CHD9: variants seen among roughly 807,000 people sequenced by gnomAD.
CHD9 encodes the protein ATP-dependent chromatin remodeler CHD9.
CHD9 carries 77 observed loss-of-function variants against 316.1 expected under a neutral mutation model. The ratio of observed to expected loss-of-function variants is 0.24; its 90% confidence interval spans 0.20 to 0.29. The LOEUF is 0.29. Among genes scored for constraint, CHD9 ranks in the 10% least tolerant of loss-of-function variants. CHD9 has a pLI of 1.00. For missense variants in CHD9, 2,763 were observed against 3,438.1 expected (o/e 0.80, Z 4.91); for synonymous variants, 1,129 against 1,158.3 (o/e 0.97, Z 0.51).
chr16:53,154,349 A>G (rs1262695473), intron 1 of CHD9, among the ~76,000 whole-genome samples: 1 of 152,188 alleles, frequency 6.6e-6, no homozygotes, highest in East Asian at 1.9e-4. Context: ...TTTTGTATGG[A>G]AAACAATTTA....
intron 1 of CHD9, chr16:53,099,148 A>G (rs1056991573): frequency 5.2e-5 from 8 of 152,422 alleles, no homozygotes; most frequent in Non-Finnish European, 1.0e-4. Context: ...GCCAGGAGGA[A>G]CCTGCAGCTG....
At chr16:53,209,933 C>A in intron 3 of CHD9, 120 bp downstream of exon 3, 1 of 694,982 alleles carries the variant, frequency 1.4e-6, no homozygotes, top group Non-Finnish European at 2.4e-6. Context: ...AAATTGTTGG[C>A]TACTATGTGT....
At chr16:53,173,550 A>T (rs920608426) in intron 2 of CHD9, among the ~76,000 whole-genome samples, 5 of 146,912 alleles carry the variant, frequency 3.4e-5, no homozygotes, top group African/African-American at 1.0e-4. Flanking sequence ...ACCTAATTTT[A>T]TTTTTTTTTT....
chr16:53,153,253 G>A (rs1020551936), intron 1 of CHD9, among the ~76,000 whole-genome samples: 1 of 152,140 alleles, frequency 6.6e-6, no homozygotes, highest in Non-Finnish European at 1.5e-5. Flanking sequence ...AGAAGGGGGA[G>A]GAAATTGAAA....
rs139268076 is a variant in CHD9, at chr16:53,290,206, G to A, written c.5248-1519G>A. Among the ~76,000 whole-genome samples the A allele has an allele frequency of 1.7e-3, 256 of 152,234 alleles. 3 individuals are homozygous for A. The highest frequency in any genetic ancestry group is 5.8e-3 in the African/African-American group (239 of 41,536). On this transcript the variant is annotated intron_variant, in intron 27 of 38. Transcript: ENST00000447540. ...GGAGAATCACTTGAAGCCAGGAGGC[G>A]GAGGTTGCAGTGAGCTGAGATTGTG...
At chr16:53,255,811 A>G (rs766690944) in intron 19 of CHD9, 32 bp downstream of exon 19, 16 of 1,584,374 alleles carry the variant, frequency 1.0e-5, no homozygotes, top group Non-Finnish European at 1.4e-5. Flanking sequence ...TTAACATAGC[A>G]GTGATGTTCA....
At position 53,255,753 on chromosome 16, in the gene CHD9, G is replaced by C; in HGVS notation, c.4183G>C (p.Glu1395Gln). Reference protein sequence around the residue: ...RRTKTITIESEGRGSTFAKAS... With the variant: ...RRTKTITIESQGRGSTFAKAS... Reference sequence around the variant, plus strand: ...TACAAAAACTATTACAATTGAATCAGAAGGACGTGGGTCAACATTTGCCAA... The same window carrying C: ...TACAAAAACTATTACAATTGAATCACAAGGACGTGGGTCAACATTTGCCAA... The change falls in exon 19 of 39, where the codon GAA becomes CAA. Residue 1395 changes from glutamate to glutamine, a missense_variant. By Grantham distance (29) the Glu-to-Gln change is conservative. Around this residue, in one of 15 missense-constraint regions of CHD9, gnomAD observed 199 missense variants for 251.7 expected, o/e 0.79. Coordinates refer to ENST00000447540, the MANE Select transcript of CHD9 (RefSeq NM_001308319.2). The C allele has an allele frequency of 6.2e-7, 1 of 1,613,834 alleles. No homozygotes were observed. Among genetic ancestry groups the C allele is most frequent in the Non-Finnish European group, 8.5e-7 (1 of 1,179,800 alleles).
intron 1 of CHD9, among the ~76,000 whole-genome samples, chr16:53,146,961 A>G (rs2040682106): frequency 6.6e-6 from 1 of 152,118 alleles, no homozygotes; most frequent in African/African-American, 2.4e-5. Context: ...TGCCTTATGT[A>G]GCATTCCCTC....
At chr16:53,248,701 G>A (rs2049883382) in intron 16 of CHD9, among the ~76,000 whole-genome samples, 1 of 150,554 alleles carries the variant, frequency 6.6e-6, no homozygotes, top group Non-Finnish European at 1.5e-5. Context: ...AATTTATTTT[G>A]GGTAGAGACA....
intron 3 of CHD9, among the ~76,000 whole-genome samples, chr16:53,210,303 A>G (rs1361366085): frequency 6.6e-6 from 1 of 151,912 alleles, no homozygotes; most frequent in Non-Finnish European, 1.5e-5. Context: ...AAAAAAAAAA[A>G]AAACACTAAT....
chr16:53,226,724 A>G (rs1322275557), intron 5 of CHD9, among the ~76,000 whole-genome samples: 5 of 152,028 alleles, frequency 3.3e-5, no homozygotes, highest in East Asian at 1.9e-4. Flanking sequence ...TACACTTTCT[A>G]CCTCCTAAAT....
At chr16:53,093,248 G>A (rs2036102229) in intron 1 of CHD9, among the ~76,000 whole-genome samples, 1 of 152,202 alleles carries the variant, frequency 6.6e-6, no homozygotes, top group Non-Finnish European at 1.5e-5. Flanking sequence ...TATTCAGCTA[G>A]CTATGTGGCC....
At chr16:53,128,229 A>T (rs1211767821) in intron 1 of CHD9, among the ~76,000 whole-genome samples, 1 of 151,624 alleles carries the variant, frequency 6.6e-6, no homozygotes, top group Non-Finnish European at 1.5e-5. Context: ...GTCATCCAGG[A>T]TGGAGTGCAA....
intron 30 of CHD9, 88 bp downstream of exon 30, chr16:53,297,246 G>A: frequency 1.1e-6 from 1 of 939,752 alleles, no homozygotes; most frequent in Non-Finnish European, 1.7e-6. Flanking sequence ...TCTTTTATGT[G>A]AAATTTCAAT....
chr16:53,268,195 C>T lies in CHD9; in HGVS notation c.4717+69C>T. 2 of 1,043,018 alleles carry T rather than the reference C, an allele frequency of 1.9e-6. 1 individual carries two copies. The allele number at this position is 1,043,018 out of a possible 1,614,324, so 64.6% of individuals were successfully genotyped here. A position where few individuals can be genotyped will look rare whatever the true frequency, so the allele number is the denominator to read the frequency against. On this transcript the variant is annotated intron_variant, in intron 22 of 38. Coordinates refer to ENST00000447540, the MANE Select transcript of CHD9 (RefSeq NM_001308319.2). ...ATATAAGTAATACTTAACATATTCT[C>T]CTATAAAATATAAAAGCATTACAAA... is the stretch of plus-strand genomic sequence containing the variant.
intron 1 of CHD9, among the ~76,000 whole-genome samples, chr16:53,064,799 C>T (rs988668497): frequency 6.6e-6 from 1 of 152,142 alleles, no homozygotes; most frequent in Non-Finnish European, 1.5e-5. Context: ...CATGGTGAAA[C>T]CCCGTCTCTA....
At chr16:53,128,916 G>A (rs533197018) in intron 1 of CHD9, among the ~76,000 whole-genome samples, 8 of 152,252 alleles carry the variant, frequency 5.3e-5, no homozygotes, top group South Asian at 2.1e-4. Flanking sequence ...TGGCATAGAC[G>A]CATCAAAAAA....
intron 19 of CHD9, among the ~76,000 whole-genome samples, chr16:53,262,028 ACTTTTT>A (rs1481167744): frequency 6.6e-6 from 1 of 152,022 alleles, no homozygotes; most frequent in Non-Finnish European, 1.5e-5. Flanking sequence ...TTTTATCAAG[ACTTTTT>A]CTTTAATTAA....
chr16:53,151,212 TCC>T (rs1164781852), intron 1 of CHD9, among the ~76,000 whole-genome samples: 1 of 24,022 alleles, frequency 4.2e-5, no homozygotes, highest in African/African-American at 1.6e-4. Context: ...TCCCCTCCCC[TCC>T]CCCCCTCCCC....
Sources: gnomAD v4.1 joint callset for allele counts (sites outside exome capture counted in the v4.1 genomes callset) on GRCh38, gnomAD v4.1.1 for gene constraint, gnomAD v4.1.1 regional missense constraint, MANE v1.5 for transcripts, NCBI Gene and HGNC (gene_info 2026-07-23, HGNC 2026-07-21) for gene names.